TRAF5: variants seen among roughly 807,000 people sequenced by gnomAD.
The protein encoded by TRAF5 is TNF receptor associated factor 5.
In TRAF5, 48 loss-of-function variants were observed where a neutral mutation model predicts 64.5. The observed-to-expected ratio is 0.74, with a 90% CI of 0.59 to 0.95. The LOEUF is 0.95. Among genes scored for constraint, TRAF5 ranks in the 40% least tolerant of loss-of-function variants. The pLI, the probability that TRAF5 is intolerant of heterozygous loss-of-function variation, is 0.00. For missense variants in TRAF5, 545 were observed against 662.8 expected (o/e 0.82, Z 1.95); for synonymous variants, 206 against 240.5 (o/e 0.86, Z 1.33).
chr1:211,354,309 C>T (rs1308372590), intron 2 of TRAF5, 101 bp from the exon 3 acceptor site: 12 of 1,113,514 alleles, frequency 1.1e-5, no homozygotes, highest in Non-Finnish European at 1.5e-5. Context: ...CAGGGACCAG[C>T]CTGCCCAGGG....
chr1:211,358,481 A>C (rs896810580), intron 4 of TRAF5: 2 of 135,080 alleles, frequency 1.5e-5, no homozygotes, highest in African/African-American at 2.5e-5. Flanking sequence ...TGTCTAAAAA[A>C]AAAAAAAAAC....
Position 211,360,185 on chromosome 1 carries a change from A to G in TRAF5, c.543+109A>G, listed in dbSNP as rs556649968. Reference sequence around the variant, plus strand: ...AGAACATTCCTGCATTTATTTTTGTACAGAATTAGGTCTAAAGAATTTGCT... The same window carrying G: ...AGAACATTCCTGCATTTATTTTTGTGCAGAATTAGGTCTAAAGAATTTGCT... On this transcript the variant is annotated intron_variant, in intron 5 of 10. Transcript: ENST00000261464. The G allele has an allele frequency of 1.0e-5, 13 of 1,242,162 alleles. No homozygotes were observed. The South Asian group carries it at 1.1e-4, about 11-fold the overall frequency. The allele number at this position is 1,242,162 out of a possible 1,614,324, so 76.9% of individuals were successfully genotyped here.
rs143474206 is a variant in TRAF5 at position 211,359,967 on chromosome 1, G to C, written c.434G>C (p.Arg145Pro). ...QPVQCSNEKC[R>P]EPVLRKDLKE... ...GTGCAGTGTTCTAATGAGAAGTGCC[G>C]GGAGCCAGTCCTACGGAAAGACCTG... The change falls in exon 5 of 11, where the codon CGG (arginine) becomes CCG (proline). Residue 145 changes from arginine (R) to proline (P), a missense_variant. Transcript: ENST00000261464. 1 of 1,614,058 alleles carries C rather than the reference G, an allele frequency of 6.2e-7. No homozygotes were observed. The highest frequency in any genetic ancestry group is 8.5e-7 in the Non-Finnish European group (1 of 1,179,934).
rs1355244752 is a variant in TRAF5 at position 211,373,662 on chromosome 1, AC to A, written c.*962del. ...AAGGAATTTACAACTTGAGGAGAAA[AC>A]CTTTACAATTTCCTATGGGTGTCAG... On this transcript the variant is annotated 3_prime_UTR_variant, in exon 11 of 11. Coordinates refer to ENST00000261464, the MANE Select transcript of TRAF5 (RefSeq NM_001033910.3). 1 of 152,198 alleles carries A rather than the reference AC, an allele frequency of 6.6e-6. No individual in the cohort carries two copies. The highest frequency in any genetic ancestry group is 1.5e-5 in the Non-Finnish European group (1 of 68,038). 9.4% of individuals were successfully genotyped at this position (152,198 alleles called of 1,614,324 possible).
chr1:211,353,184 GGTT>G lies in TRAF5; in HGVS notation c.-1-51_-1-49del. 3.3e-6 allele frequency: 5 copies of G among 1,507,584 alleles called. No homozygotes were observed. In the South Asian group the frequency reaches 4.5e-5, roughly 14 times the overall value. The allele number at this position is 1,507,584 out of a possible 1,614,324, so 93.4% of individuals were successfully genotyped here. On this transcript the variant is annotated intron_variant, in intron 1 of 10. Transcript: ENST00000261464. ...AATAACCAAAGCATCTGATGGCTGT[GGTT>G]GTTTCAGTGTTTGCACACTTAATTT...
intron 1 of TRAF5, among the ~76,000 whole-genome samples, chr1:211,347,538 G>T (rs541702653): frequency 6.6e-6 from 1 of 152,332 alleles, no homozygotes; most frequent in South Asian, 2.1e-4. Flanking sequence ...GACAATAACC[G>T]ATTAGAGAGT....
At chr1:211,363,042 A>T (rs982635324) in intron 7 of TRAF5, among the ~76,000 whole-genome samples, 2 of 152,222 alleles carry the variant, frequency 1.3e-5, no homozygotes, top group Non-Finnish European at 2.9e-5. Flanking sequence ...CTAAATAAAT[A>T]TACATTATAA....
At chr1:211,354,113 T>A (rs1383021853) in intron 2 of TRAF5, among the ~76,000 whole-genome samples, 1 of 152,134 alleles carries the variant, frequency 6.6e-6, no homozygotes, top group Non-Finnish European at 1.5e-5. Context: ...AATGTCCCAG[T>A]CTAGAGGAGA....
intron 3 of TRAF5, among the ~76,000 whole-genome samples, 184 bp from the exon 4 acceptor site, chr1:211,356,183 A>G (rs1432906529): frequency 6.6e-6 from 1 of 152,230 alleles, no homozygotes; most frequent in East Asian, 1.9e-4. Context: ...TGGTTTGTCA[A>G]AAGCATGTAT....
At chr1:211,344,114 T>C (rs959999433) in intron 1 of TRAF5, among the ~76,000 whole-genome samples, 1 of 152,130 alleles carries the variant, frequency 6.6e-6, no homozygotes, top group Non-Finnish European at 1.5e-5. Flanking sequence ...ACTAAAGGCA[T>C]CTCTGTAAGT....
Position 211,359,946 on chromosome 1 carries a change from A to T in TRAF5, c.413A>T (p.Gln138Leu). 1 of 1,614,052 alleles carries T rather than the reference A, an allele frequency of 6.2e-7. No individual in the cohort carries two copies. The highest frequency in any genetic ancestry group is 8.5e-7 in the Non-Finnish European group (1 of 1,179,910). ...HLQQCLFQPVQCSNEKCREPV... is the reference protein window; with the variant it reads ...HLQQCLFQPVLCSNEKCREPV... ...CAGCAGTGCTTATTTCAACCTGTGC[A>T]GTGTTCTAATGAGAAGTGCCGGGAG... is the stretch of plus-strand genomic sequence containing the variant. The change falls in exon 5 of 11, where the codon CAG becomes CTG. Residue 138 changes from glutamine to leucine, a missense_variant. Physicochemically the swap from Gln to Leu is moderately radical, Grantham distance 113 (BLOSUM62 -2). Coordinates refer to ENST00000261464, the MANE Select transcript of TRAF5 (RefSeq NM_001033910.3).
rs754670904 is a variant in TRAF5, at chr1:211,356,487, C to T, written c.378+19C>T. On this transcript the variant is annotated intron_variant, in intron 4 of 10. Coordinates refer to ENST00000261464, the MANE Select transcript of TRAF5 (RefSeq NM_001033910.3). ...GTACCAGGTTGGTATTACTCATGAA[C>T]GATATCTGCTTTTGCCATTTTTCCA... 4.0e-5 allele frequency: 65 copies of T among 1,607,500 alleles called. No individual in the cohort carries two copies. In the Admixed American group the frequency reaches 4.5e-4, roughly 11 times the overall value.
At chr1:211,371,614 A>AG in intron 10 of TRAF5, 144 bp downstream of exon 10, 1 of 933,684 alleles carries the variant, frequency 1.1e-6, no homozygotes, top group Non-Finnish European at 1.6e-6. Flanking sequence ...GAGAATGGTA[A>AG]GATTCTGGCC....
In TRAF5 at chr1:211,372,996, C is replaced by T. The variant is rs1703588341; in HGVS notation, c.*294C>T. On this transcript the variant is annotated 3_prime_UTR_variant, in exon 11 of 11. Transcript: ENST00000261464. ...GCGTTTCTCTTTTACTGGTGCTTAG[C>T]GCAGTGTCTCGGGCACTCTAAATAT... is the stretch of plus-strand genomic sequence containing the variant. The T allele has an allele frequency of 1.6e-5, 4 of 244,882 alleles. No homozygotes were observed. The highest frequency in any genetic ancestry group is 9.7e-5 in the East Asian group (1 of 10,294). The allele number at this position is 244,882 out of a possible 1,614,324, so 15.2% of individuals were successfully genotyped here.
chr1:211,358,218 G>A (rs1198784557), intron 4 of TRAF5: 2 of 152,230 alleles, frequency 1.3e-5, no homozygotes, highest in African/African-American at 2.4e-5. Context: ...GTTCATGCCT[G>A]TAATACCAGC....
intron 1 of TRAF5, among the ~76,000 whole-genome samples, chr1:211,341,749 C>T (rs116403778): frequency 0.01 from 1,586 of 152,208 alleles, 24 homozygotes; most frequent in African/African-American, 0.036. Flanking sequence ...GAATTTGGGC[C>T]CATGTGCTGC....
intron 1 of TRAF5, among the ~76,000 whole-genome samples, chr1:211,339,638 C>T (rs1189389259): frequency 6.6e-6 from 1 of 152,176 alleles, no homozygotes; most frequent in Non-Finnish European, 1.5e-5. Context: ...TGATCAGGCC[C>T]TTGAGTCCCA....
intron 1 of TRAF5, among the ~76,000 whole-genome samples, chr1:211,350,804 G>A (rs1415696344): frequency 2.0e-5 from 3 of 152,134 alleles, no homozygotes; most frequent in Admixed American, 6.5e-5. Flanking sequence ...GTGTGGTTGG[G>A]TTCTGATGAG....
intron 1 of TRAF5, among the ~76,000 whole-genome samples, chr1:211,331,759 G>C (rs1042895530): frequency 1.3e-5 from 2 of 151,906 alleles, no homozygotes; most frequent in Non-Finnish European, 2.9e-5. Flanking sequence ...TCTGCCTCGC[G>C]GGTTCAAGTA....
Sources: allele counts gnomAD v4.1 joint callset (sites outside exome capture counted in the v4.1 genomes callset), GRCh38; gene constraint gnomAD v4.1.1; transcripts MANE v1.5; gene names NCBI Gene and HGNC (gene_info 2026-07-23, HGNC 2026-07-21).